Variants in TSPAN9 observed in about 807,000 individuals in gnomAD.
TSPAN9 encodes tetraspanin 9, also known as tetraspanin-9.
Under a neutral mutation model 31.0 loss-of-function variants are expected in TSPAN9, and 16 were observed. That is an observed-to-expected ratio of 0.52 (90% CI 0.35 to 0.78). The LOEUF is 0.78. TSPAN9 is among the 30% of genes least tolerant of loss of function. TSPAN9 has a pLI of 0.01. For missense variants in TSPAN9, 272 were observed against 312.5 expected, an observed-to-expected ratio of 0.87 and a Z score of 0.98; for synonymous variants, 145 against 121.6, an observed-to-expected ratio of 1.19 and a Z score of -1.27.
intron 2 of TSPAN9, among the ~76,000 whole-genome samples, chr12:3,196,513 T>C (rs2098367171): frequency 6.6e-6 from 1 of 152,218 alleles, no homozygotes; most frequent in South Asian, 2.1e-4. Flanking sequence ...ATGGGGATAA[T>C]AGGGTGTACC....
intron 2 of TSPAN9, chr12:3,124,894 AC>A (rs1439052179): frequency 6.6e-6 from 1 of 151,996 alleles, no homozygotes; most frequent in African/African-American, 2.4e-5. Flanking sequence ...CCCTGTCTCT[AC>A]AAAAAAATTT....
At chr12:3,108,056 T>A (rs2098315565) in intron 2 of TSPAN9, among the ~76,000 whole-genome samples, 1 of 151,672 alleles carries the variant, frequency 6.6e-6, no homozygotes, top group African/African-American at 2.4e-5. Flanking sequence ...AACTAAGCGT[T>A]CCCCTCTGGG....
At chr12:3,190,890 G>A (rs1439346227) in intron 2 of TSPAN9, among the ~76,000 whole-genome samples, 1 of 152,222 alleles carries the variant, frequency 6.6e-6, no homozygotes, top group Non-Finnish European at 1.5e-5. Context: ...CAAATGCCAA[G>A]TGCTTAGAAG....
intron 2 of TSPAN9, among the ~76,000 whole-genome samples, chr12:3,089,511 G>A (rs1308285613): frequency 5.9e-5 from 9 of 151,708 alleles, no homozygotes; most frequent in South Asian, 2.1e-4. Flanking sequence ...TGGCCAGGGT[G>A]GTCTCGATCT....
chr12:3,223,510 G>C (rs2098385618), intron 3 of TSPAN9, among the ~76,000 whole-genome samples: 2 of 152,206 alleles, frequency 1.3e-5, no homozygotes, highest in South Asian at 4.1e-4. Context: ...AGGATGCGTT[G>C]GGCATGGAGT....
At chr12:3,281,459 AAAAT>A (rs1293947995) in intron 7 of TSPAN9, 130 bp downstream of exon 7, 3 of 1,317,684 alleles carry the variant, frequency 2.3e-6, no homozygotes, top group Non-Finnish European at 3.0e-6. Flanking sequence ...GGGGCTCACA[AAAAT>A]AAAGCCAAAA....
At chr12:3,248,932 C>G (rs910267591) in intron 3 of TSPAN9, among the ~76,000 whole-genome samples, 4 of 152,228 alleles carry the variant, frequency 2.6e-5, no homozygotes, top group Non-Finnish European at 5.9e-5. Context: ...CTGTCTGCCC[C>G]CCTCCGTACC....
chr12:3,190,096 C>A (rs1183558833), intron 2 of TSPAN9, among the ~76,000 whole-genome samples: 1 of 152,218 alleles, frequency 6.6e-6, no homozygotes, highest in African/African-American at 2.4e-5. Flanking sequence ...TCACACACTG[C>A]CTTCTTCCAC....
intron 2 of TSPAN9, among the ~76,000 whole-genome samples, chr12:3,176,748 C>G (rs997817490): frequency 3.3e-5 from 5 of 152,238 alleles, no homozygotes; most frequent in African/African-American, 1.2e-4. Context: ...CCGAAAGCAG[C>G]TCTCCCATCT....
intron 2 of TSPAN9, among the ~76,000 whole-genome samples, chr12:3,165,513 G>A (rs1304670825): frequency 6.6e-6 from 1 of 152,156 alleles, no homozygotes; most frequent in Admixed American, 6.5e-5. Flanking sequence ...GAGTCCAGAA[G>A]TATTTAAAAT....
intron 2 of TSPAN9, among the ~76,000 whole-genome samples, chr12:3,129,062 C>G (rs1279848302): frequency 6.6e-6 from 1 of 152,190 alleles, no homozygotes; most frequent in Non-Finnish European, 1.5e-5. Context: ...GCATTGTACC[C>G]TCAAGGTTCA....
At chr12:3,190,543 G>A (rs751792853) in intron 2 of TSPAN9, among the ~76,000 whole-genome samples, 70 of 152,212 alleles carry the variant, frequency 4.6e-4, no homozygotes, top group Non-Finnish European at 8.2e-4. Context: ...TGACAGGGAT[G>A]CTGATTGGCC....
chr12:3,207,247 C>A (rs565503644), intron 3 of TSPAN9, among the ~76,000 whole-genome samples: 8 of 152,098 alleles, frequency 5.3e-5, no homozygotes, highest in African/African-American at 1.9e-4. Flanking sequence ...CAAGCTGTCA[C>A]TGTAGGTAAT....
intron 2 of TSPAN9, among the ~76,000 whole-genome samples, chr12:3,135,197 C>T (rs1324463302): frequency 6.6e-6 from 1 of 152,204 alleles, no homozygotes; most frequent in Non-Finnish European, 1.5e-5. Flanking sequence ...AATCCTCCCA[C>T]CTTGGCCTCC....
rs367632117 is a variant in TSPAN9, at chr12:3,148,762, G to A, written c.-17-52415G>A. Among the ~76,000 whole-genome samples the A allele has an allele frequency of 5.3e-5, 8 of 152,338 alleles. No homozygotes were observed. The East Asian group carries it at 1.4e-3, about 26-fold the overall frequency. On this transcript the variant is annotated intron_variant, in intron 2 of 8. Coordinates refer to ENST00000011898, the MANE Select transcript of TSPAN9 (RefSeq NM_006675.5). The stretch of plus-strand genomic sequence containing the variant: ...TGAGTCTCTGCATCCTCTCCAGCTC[G>A]GCTGGGAAGCTGCCCAGGCGGGGGA...
intron 3 of TSPAN9, among the ~76,000 whole-genome samples, chr12:3,212,209 A>C (rs1259208141): frequency 6.6e-6 from 1 of 151,958 alleles, no homozygotes; most frequent in African/African-American, 2.4e-5. Context: ...TGACCTCGTG[A>C]TCTGCCAGCC....
intron 3 of TSPAN9, among the ~76,000 whole-genome samples, chr12:3,267,065 C>T (rs1265940410): frequency 3.3e-5 from 5 of 152,206 alleles, no homozygotes; most frequent in South Asian, 2.1e-4. Context: ...CTCTGCCGAA[C>T]GAGAGGCACC....
intron 3 of TSPAN9, among the ~76,000 whole-genome samples, chr12:3,202,998 G>C (rs1014479415): frequency 1.4e-4 from 22 of 152,032 alleles, no homozygotes; most frequent in African/African-American, 5.1e-4. Flanking sequence ...CACGAATGCT[G>C]TCCTTTTCAT....
At chr12:3,239,726 G>A (rs2098395597) in intron 3 of TSPAN9, among the ~76,000 whole-genome samples, 1 of 152,200 alleles carries the variant, frequency 6.6e-6, no homozygotes, top group African/African-American at 2.4e-5. Flanking sequence ...CTGGTTCCTG[G>A]TCTGCCCTCC....
Sources: allele counts gnomAD v4.1 joint callset (sites outside exome capture counted in the v4.1 genomes callset), GRCh38; gene constraint gnomAD v4.1.1; transcripts MANE v1.5; gene names NCBI Gene and HGNC (gene_info 2026-07-23, HGNC 2026-07-21).